The following ASXL3 variants were observed in gnomAD, a reference collection of about 807,000 sequenced individuals.
ASXL3 encodes the protein putative Polycomb group protein ASXL3.
A neutral mutation model predicts 170.6 loss-of-function variants in ASXL3; 34 were observed. The ratio of observed to expected loss-of-function variants is 0.20; its 90% CI spans 0.15 to 0.27. The LOEUF is 0.27. Among genes scored for constraint, ASXL3 ranks in the 10% least tolerant of loss-of-function variants. ASXL3 has a pLI of 1.00. For missense variants in ASXL3, 2,592 were observed against 2,695.3 expected, an observed-to-expected ratio of 0.96 and a Z score of 0.85; for synonymous variants, 1,002 against 989.1, an observed-to-expected ratio of 1.01 and a Z score of -0.24.
intron 2 of ASXL3, chr18:33,625,709 G>A (rs1295025704): frequency 6.6e-6 from 1 of 152,070 alleles, no homozygotes; most frequent in East Asian, 1.9e-4. Flanking sequence ...TACCAAGTAG[G>A]TAGGGGAGGC....
chr18:33,605,918 G>C (rs1206778411), intron 1 of ASXL3, among the ~76,000 whole-genome samples: 1 of 151,750 alleles, frequency 6.6e-6, no homozygotes, highest in African/African-American at 2.4e-5. Context: ...TCTTTTATGA[G>C]AGACCCGTTG....
intron 8 of ASXL3, among the ~76,000 whole-genome samples, chr18:33,712,692 G>A (rs1014091620): frequency 6.6e-6 from 1 of 152,194 alleles, no homozygotes; most frequent in African/African-American, 2.4e-5. Flanking sequence ...ACTTTCTGCA[G>A]TATTTTGCAT....
chr18:33,607,687 A>G lies in ASXL3; in HGVS notation c.137+11A>G. On this transcript the variant is annotated intron_variant, in intron 2 of 11. Coordinates refer to ENST00000269197, the MANE Select transcript of ASXL3 (RefSeq NM_030632.3). ...GTTAAAAGAAACAAGGTCAGTATCC[A>G]TATTTAAAACATTTTCTGTTTTCAT... 2 of 1,549,526 alleles carry G rather than the reference A, an allele frequency of 1.3e-6. No homozygotes were observed. The highest frequency in any genetic ancestry group is 2.4e-5 in the East Asian group (1 of 42,176).
At chr18:33,666,125 G>C (rs1452500370) in intron 5 of ASXL3, among the ~76,000 whole-genome samples, 1 of 152,088 alleles carries the variant, frequency 6.6e-6, no homozygotes, top group Non-Finnish European at 1.5e-5. Context: ...CTTCATAGTA[G>C]ACTGCATTTA....
At chr18:33,581,383 T>C (rs2064990770) in intron 1 of ASXL3, among the ~76,000 whole-genome samples, 1 of 152,006 alleles carries the variant, frequency 6.6e-6, no homozygotes, top group South Asian at 2.1e-4. Context: ...TTGCAATAAA[T>C]GAACTAAAGA....
At chr18:33,707,332 G>A (rs900973612) in intron 8 of ASXL3, among the ~76,000 whole-genome samples, 1 of 151,808 alleles carries the variant, frequency 6.6e-6, no homozygotes. Flanking sequence ...TTGCCACATT[G>A]AATCTTCCAA....
At chr18:33,645,413 G>A (rs1042072876) in intron 3 of ASXL3, among the ~76,000 whole-genome samples, 4 of 151,632 alleles carry the variant, frequency 2.6e-5, no homozygotes, top group Admixed American at 1.3e-4. Flanking sequence ...TATTCATTCT[G>A]CTTGAAAACA....
At chr18:33,620,295 G>C (rs2065489955) in intron 2 of ASXL3, among the ~76,000 whole-genome samples, 1 of 152,130 alleles carries the variant, frequency 6.6e-6, no homozygotes, top group South Asian at 2.1e-4. Flanking sequence ...AAGATGACCT[G>C]ATGGTAGCTA....
intron 2 of ASXL3, among the ~76,000 whole-genome samples, chr18:33,631,779 C>T (rs1399604192): frequency 1.3e-5 from 2 of 152,032 alleles, no homozygotes; most frequent in Admixed American, 6.6e-5. Context: ...CTGACATTTG[C>T]ATTTTTTAAA....
chr18:33,702,066 T>C (rs995150661), intron 8 of ASXL3, among the ~76,000 whole-genome samples: 6 of 152,284 alleles, frequency 3.9e-5, no homozygotes, highest in Non-Finnish European at 7.4e-5. Flanking sequence ...ATTGTTGCTC[T>C]CTCTTTATTG....
chr18:33,729,990 T>G (rs2067416346), intron 8 of ASXL3, among the ~76,000 whole-genome samples: 2 of 152,136 alleles, frequency 1.3e-5, no homozygotes, highest in South Asian at 2.1e-4. Flanking sequence ...ATCTGTCTCC[T>G]TTCTTTGCCT....
intron 1 of ASXL3, among the ~76,000 whole-genome samples, chr18:33,604,621 C>T (rs2065224376): frequency 6.6e-6 from 1 of 151,932 alleles, no homozygotes; most frequent in African/African-American, 2.4e-5. Context: ...CCAAGGACAG[C>T]GTTATGCAGT....
At chr18:33,643,865 A>G (rs1375438795) in intron 2 of ASXL3, among the ~76,000 whole-genome samples, 1 of 151,906 alleles carries the variant, frequency 6.6e-6, no homozygotes, top group Non-Finnish European at 1.5e-5. Flanking sequence ...CATAATTCCT[A>G]AGAAGCATGT....
chr18:33,742,815 T>TA (rs748416998), intron 11 of ASXL3, 73 bp from the exon 12 acceptor site: 1 of 1,484,914 alleles, frequency 6.7e-7, no homozygotes, highest in Non-Finnish European at 8.9e-7. Flanking sequence ...TCCCTTGCAT[T>TA]ATCACATTCT....
intron 4 of ASXL3, among the ~76,000 whole-genome samples, chr18:33,652,842 A>G (rs1354662883): frequency 6.6e-6 from 1 of 151,988 alleles, no homozygotes; most frequent in Admixed American, 6.6e-5. Flanking sequence ...TCTTTTATCA[A>G]AAGTGAAAAG....
intron 8 of ASXL3, among the ~76,000 whole-genome samples, chr18:33,700,655 C>T (rs538709679): frequency 6.6e-6 from 1 of 152,102 alleles, no homozygotes; most frequent in South Asian, 2.1e-4. Flanking sequence ...CCTTAGAGAG[C>T]GATAAGGGCC....
rs1433919999 is a variant in ASXL3, at chr18:33,739,646, C to A, written c.2242C>A (p.Leu748Ile). 1 of 1,613,794 alleles carries A rather than the reference C, an allele frequency of 6.2e-7. No homozygotes were observed. Among genetic ancestry groups the A allele is most frequent in the East Asian group, 2.2e-5 (1 of 44,874 alleles). ...GACCACTTTTGTATCCAGTTTGCCA[C>A]TTCCTTCAGAAACATCTCCAATTTC... ...SETTFVSSLP[L>I]PSETSPISNS... The change falls in exon 11 of 12, where the codon CTT becomes ATT. Residue 748 changes from leucine to isoleucine, a missense_variant. By Grantham distance (5) the Leu-to-Ile change is conservative (BLOSUM62 2). This residue lies in a region of ASXL3 where 2,246 missense variants were observed against 2,219.6 expected (regional missense o/e 1.01). Transcript: ENST00000269197.
chr18:33,694,376 C>T (rs2066738338), intron 8 of ASXL3, among the ~76,000 whole-genome samples: 1 of 152,092 alleles, frequency 6.6e-6, no homozygotes, highest in South Asian at 2.1e-4. Context: ...AAATATATGG[C>T]AGCTGGTGGA....
rs1054594301 is a variant in ASXL3 at position 33,644,983 on chromosome 18, C to T, written c.227C>T (p.Ser76Leu). Residue 76 changes from serine (S) to leucine (L), a missense_variant, in exon 3 of 12, where the codon TCA becomes TTA. Physicochemically the swap from Ser to Leu is moderately radical, Grantham distance 145. This residue lies in a region of ASXL3 where 251 missense variants were observed against 281.9 expected (regional missense o/e 0.89). Coordinates refer to ENST00000269197, the MANE Select transcript of ASXL3 (RefSeq NM_030632.3). ...ACATTCTTCAAAATCCCTGGAAAGT[C>T]AGGCCTCTATGCTCTCAAAGTAAGT... ...DGTFFKIPGK[S>L]GLYALKKEES... is the part of the protein sequence containing the mutation. 12 of 1,562,024 alleles carry T rather than the reference C, an allele frequency of 7.7e-6. No individual in the cohort carries two copies. Among genetic ancestry groups the T allele is most frequent in the Middle Eastern group, 1.7e-4 (1 of 5,976 alleles).
Sources: gnomAD v4.1 joint callset for allele counts (sites outside exome capture counted in the v4.1 genomes callset) on GRCh38, gnomAD v4.1.1 for gene constraint, gnomAD v4.1.1 regional missense constraint, MANE v1.5 for transcripts, NCBI Gene and HGNC (gene_info 2026-07-23, HGNC 2026-07-21) for gene names.